The following ASAP1 variants were observed in gnomAD, a reference collection of about 807,000 sequenced individuals.
ASAP1 encodes ArfGAP with SH3 domain, ankyrin repeat and PH domain 1, also known as arf-GAP with SH3 domain, ANK repeat and PH domain-containing protein 1.
Under a neutral mutation model 145.2 loss-of-function variants are expected in ASAP1, and 43 were observed. That is an observed-to-expected ratio of 0.30 (90% CI 0.23 to 0.38). ASAP1 has a LOEUF of 0.38. Among genes scored for constraint, ASAP1 ranks in the 10% least tolerant of loss-of-function variants. The probability of loss-of-function intolerance (pLI) is 1.00; values close to 1 mark genes in which losing one functional copy is unlikely to be tolerated. For missense variants in ASAP1, 1,018 were observed against 1,355.3 expected (o/e 0.75, Z 3.91); for synonymous variants, 546 against 515.5 (o/e 1.06, Z -0.80).
intron 13 of ASAP1, among the ~76,000 whole-genome samples, chr8:130,149,896 T>G (rs1324642960): frequency 6.6e-6 from 1 of 152,196 alleles, no homozygotes; most frequent in Non-Finnish European, 1.5e-5. Flanking sequence ...GGGAACAGAA[T>G]AGCACAAATT....
At chr8:130,361,673 T>G (rs1237646404) in intron 2 of ASAP1, 1 of 1,529,710 alleles carries the variant, frequency 6.5e-7, no homozygotes, top group Non-Finnish European at 8.8e-7. Flanking sequence ...TACTCACCAT[T>G]TCTGGGCCAT....
intron 3 of ASAP1, among the ~76,000 whole-genome samples, chr8:130,301,825 T>C (rs1822688696): frequency 6.6e-6 from 1 of 152,236 alleles, no homozygotes; most frequent in African/African-American, 2.4e-5. Context: ...TATCTATTCG[T>C]AGATTTCATT....
Position 130,170,244 on chromosome 8 carries a change from C to T in ASAP1, c.747-1177G>A, listed in dbSNP as rs536736267. On this transcript the variant is annotated intron_variant, in intron 9 of 29. Coordinates refer to ENST00000518721, the MANE Select transcript of ASAP1 (RefSeq NM_018482.4). ...CTTCGTTGCCCAGGCTGGAGTGCAG[C>T]GGCGTGATCTCAGCTCACTGAAACC... 7.9e-5 allele frequency among the ~76,000 whole-genome samples: 12 copies of T among 151,602 alleles called. No homozygotes were observed. The South Asian group carries it at 1.5e-3, about 18-fold the overall frequency.
chr8:130,390,045 A>G, intron 2 of ASAP1, among the ~76,000 whole-genome samples: 1 of 152,202 alleles, frequency 6.6e-6, no homozygotes, highest in East Asian at 1.9e-4. Flanking sequence ...TGACCCTACT[A>G]CAACTTAAAG....
intron 1 of ASAP1, among the ~76,000 whole-genome samples, chr8:130,407,104 C>T (rs1829066058): frequency 6.6e-6 from 1 of 152,120 alleles, no homozygotes; most frequent in Non-Finnish European, 1.5e-5. Flanking sequence ...GGTTGGCTCC[C>T]CGTAACTGAT....
chr8:130,411,100 G>A lies in ASAP1; in HGVS notation c.-27-9130C>T, dbSNP rs182848726. 6.3e-4 allele frequency among the ~76,000 whole-genome samples: 96 copies of A among 152,296 alleles called. 1 individual carries two copies. The highest frequency in any genetic ancestry group is 2.2e-3 in the African/African-American group (93 of 41,566). ...TGGTCTCGAACTCCTGACCTCAGGT[G>A]ATCCACCCACCTTGGGCCCCCAAAT... On this transcript the variant is annotated intron_variant, in intron 1 of 29. Transcript: ENST00000518721.
At chr8:130,092,844 T>A (rs559644813) in intron 24 of ASAP1, among the ~76,000 whole-genome samples, 6 of 151,686 alleles carry the variant, frequency 4.0e-5, no homozygotes, top group Admixed American at 1.3e-4. Flanking sequence ...AAGCCTTCAC[T>A]GGGCCACAAG....
At chr8:130,403,976 T>C (rs1291298739) in intron 1 of ASAP1, among the ~76,000 whole-genome samples, 3 of 152,236 alleles carry the variant, frequency 2.0e-5, no homozygotes, top group Non-Finnish European at 4.4e-5. Flanking sequence ...GTAACTCCTG[T>C]ACTTCCTTAA....
Position 130,151,370 on chromosome 8 carries a change from C to CAAAA in ASAP1, c.1080+1362_1080+1365dup, listed in dbSNP as rs58367856. 3.2e-3 allele frequency among the ~76,000 whole-genome samples: 199 copies of CAAAA among 62,828 alleles called. 8 individuals are homozygous for CAAAA. The highest frequency in any genetic ancestry group is 3.5e-3 in the African/African-American group (63 of 18,102). 41.2% of individuals were successfully genotyped at this position (62,828 alleles called of 152,430 possible). A position where few individuals can be genotyped will look rare whatever the true frequency, so the allele number is the denominator to read the frequency against. ...TGGGTGAAAGAGCGAGACTCAGTCT[C>CAAAA]AAAAAAAAAAAAAAAAAAAAAAAAA... On this transcript the variant is annotated intron_variant, in intron 13 of 29. Transcript: ENST00000518721.
chr8:130,408,116 C>T (rs779000035), intron 1 of ASAP1, among the ~76,000 whole-genome samples: 20 of 152,214 alleles, frequency 1.3e-4, no homozygotes, highest in Admixed American at 2.0e-4. Flanking sequence ...TCAAACTTTC[C>T]CAGCCCAGTA....
intron 2 of ASAP1, among the ~76,000 whole-genome samples, chr8:130,365,986 A>G (rs1826931074): frequency 6.6e-6 from 1 of 152,232 alleles, no homozygotes; most frequent in Non-Finnish European, 1.5e-5. Flanking sequence ...TTTTAAGGAT[A>G]ACATGCTTTC....
At chr8:130,207,345 T>A (rs910283740) in intron 5 of ASAP1, among the ~76,000 whole-genome samples, 1 of 152,226 alleles carries the variant, frequency 6.6e-6, no homozygotes, top group Non-Finnish European at 1.5e-5. Context: ...AAAATGTTTT[T>A]AAAAATGTCA....
At chr8:130,439,752 G>GT (rs1341784288) in intron 1 of ASAP1, among the ~76,000 whole-genome samples, 1 of 152,200 alleles carries the variant, frequency 6.6e-6, no homozygotes, top group Non-Finnish European at 1.5e-5. Flanking sequence ...GGGGAAGAAC[G>GT]TAAGCAGACA....
At chr8:130,111,644 A>G (rs775920983) in intron 24 of ASAP1, among the ~76,000 whole-genome samples, 10 of 152,070 alleles carry the variant, frequency 6.6e-5, no homozygotes, top group Non-Finnish European at 1.2e-4. Flanking sequence ...CGTCTTCAAA[A>G]GAGTGGCATT....
At chr8:130,194,699 C>A (rs985271186) in intron 5 of ASAP1, among the ~76,000 whole-genome samples, 2 of 152,174 alleles carry the variant, frequency 1.3e-5, no homozygotes, top group Non-Finnish European at 2.9e-5. Flanking sequence ...GAGTGTTCAA[C>A]CTAAGTCCCT....
At chr8:130,108,949 AT>A (rs1460144579) in intron 24 of ASAP1, among the ~76,000 whole-genome samples, 1 of 151,296 alleles carries the variant, frequency 6.6e-6, no homozygotes, top group Admixed American at 6.6e-5. Flanking sequence ...CTCATTTTGT[AT>A]TTTTAGTAGA....
At chr8:130,269,709 C>T (rs913996334) in intron 3 of ASAP1, among the ~76,000 whole-genome samples, 1 of 152,140 alleles carries the variant, frequency 6.6e-6, no homozygotes, top group Non-Finnish European at 1.5e-5. Flanking sequence ...TTGAAAGGTA[C>T]GTAAAGGTCA....
At chr8:130,355,185 CCAT>C (rs1235123276) in intron 3 of ASAP1, among the ~76,000 whole-genome samples, 1 of 152,146 alleles carries the variant, frequency 6.6e-6, no homozygotes, top group East Asian at 1.9e-4. Context: ...AGCCTTCTTA[CCAT>C]ATATTTCTCA....
intron 15 of ASAP1, among the ~76,000 whole-genome samples, chr8:130,132,410 A>G (rs1038702012): frequency 6.6e-6 from 1 of 152,164 alleles, no homozygotes; most frequent in Non-Finnish European, 1.5e-5. Context: ...CAAGTCATCA[A>G]TCACTTCCTT....
Sources: gnomAD v4.1 joint callset for allele counts (sites outside exome capture counted in the v4.1 genomes callset) on GRCh38, gnomAD v4.1.1 for gene constraint, MANE v1.5 for transcripts, NCBI Gene and HGNC (gene_info 2026-07-23, HGNC 2026-07-21) for gene names.